Variants in DSCAM observed in about 807,000 individuals in gnomAD.
The protein encoded by DSCAM is DS cell adhesion molecule.
Under a neutral mutation model 217.7 loss-of-function variants are expected in DSCAM, and 47 were observed. The observed-to-expected ratio is 0.22, with a 90% CI of 0.17 to 0.28. The LOEUF (loss-of-function observed/expected upper bound fraction) is 0.28, where lower values mean the gene tolerates loss of function less well. Ranked by LOEUF, DSCAM falls within the 10% of genes least tolerant of loss-of-function variation. The probability of loss-of-function intolerance (pLI) is 1.00; values close to 1 mark genes in which losing one functional copy is unlikely to be tolerated. For missense variants in DSCAM, 2,080 were observed against 2,618.3 expected (o/e 0.79, Z 4.49); for synonymous variants, 1,056 against 1,015.3 (o/e 1.04, Z -0.76).
chr21:40,320,069 G>GA (rs1334558841), intron 8 of DSCAM, among the ~76,000 whole-genome samples: 3 of 152,166 alleles, frequency 2.0e-5, no homozygotes, highest in Non-Finnish European at 4.4e-5. Flanking sequence ...AAAGCATCAG[G>GA]AAAAATAGCT....
At chr21:40,372,339 G>A (rs945266795) in intron 3 of DSCAM, among the ~76,000 whole-genome samples, 8 of 152,178 alleles carry the variant, frequency 5.3e-5, no homozygotes, top group Non-Finnish European at 8.8e-5. Flanking sequence ...AGCAAAAAGT[G>A]CAAACACACA....
chr21:40,563,473 ATT>A (rs2076736367), intron 3 of DSCAM, among the ~76,000 whole-genome samples: 1 of 147,410 alleles, frequency 6.8e-6, no homozygotes, highest in Admixed American at 6.8e-5. Flanking sequence ...ATATATATAT[ATT>A]TGTTTATATA....
At chr21:40,621,982 AAAG>A (rs938483639) in intron 3 of DSCAM, among the ~76,000 whole-genome samples, 8 of 151,960 alleles carry the variant, frequency 5.3e-5, no homozygotes, top group South Asian at 4.2e-4. Context: ...GGAGGGGAAA[AAAG>A]AGAGAGAGAG....
chr21:40,286,363 C>T (rs12626570), intron 10 of DSCAM, among the ~76,000 whole-genome samples: 51,486 of 151,874 alleles, frequency 0.34, 9,059 homozygotes, highest in Admixed American at 0.4. Flanking sequence ...AAGAATGAGA[C>T]GAAATGCCTT....
At chr21:40,667,448 C>T (rs905329184) in intron 3 of DSCAM, among the ~76,000 whole-genome samples, 1 of 152,186 alleles carries the variant, frequency 6.6e-6, no homozygotes, top group Non-Finnish European at 1.5e-5. Context: ...TGTGGAATGT[C>T]TGTTGAAAAT....
intron 32 of DSCAM, 37 bp from the exon 33 acceptor site, chr21:40,013,423 A>C: frequency 6.9e-7 from 1 of 1,448,568 alleles, no homozygotes; most frequent in Non-Finnish European, 9.2e-7. Context: ...TGGTGTCTTC[A>C]TTTGGTAAAC....
chr21:40,389,211 G>A (rs1326678323), intron 3 of DSCAM, among the ~76,000 whole-genome samples: 1 of 152,098 alleles, frequency 6.6e-6, no homozygotes, highest in Non-Finnish European at 1.5e-5. Flanking sequence ...AACTTCACTT[G>A]TCATTTGAGC....
chr21:40,363,656 A>T (rs1449605784), intron 4 of DSCAM, among the ~76,000 whole-genome samples: 1 of 152,188 alleles, frequency 6.6e-6, no homozygotes, highest in Non-Finnish European at 1.5e-5. Flanking sequence ...AAGCAATGCC[A>T]ACAAAAGCCA....
intron 32 of DSCAM, among the ~76,000 whole-genome samples, chr21:40,041,605 C>T (rs2088751023): frequency 6.6e-6 from 1 of 152,180 alleles, no homozygotes; most frequent in East Asian, 1.9e-4. Flanking sequence ...ACCCTGTTCT[C>T]TAGCCTCTGC....
At chr21:40,845,196 G>A (rs1022358351) in intron 1 of DSCAM, among the ~76,000 whole-genome samples, 1 of 152,194 alleles carries the variant, frequency 6.6e-6, no homozygotes, top group African/African-American at 2.4e-5. Flanking sequence ...TTTCCTGCTA[G>A]GAAATCTCAA....
intron 20 of DSCAM, among the ~76,000 whole-genome samples, chr21:40,116,109 TAC>T (rs1365444241): frequency 6.6e-6 from 1 of 152,022 alleles, no homozygotes; most frequent in Non-Finnish European, 1.5e-5. Flanking sequence ...TATGAGAACA[TAC>T]ACACACATAG....
chr21:40,733,367 G>A (rs903681312), intron 1 of DSCAM, among the ~76,000 whole-genome samples: 4 of 152,202 alleles, frequency 2.6e-5, no homozygotes, highest in African/African-American at 9.6e-5. Context: ...CCTCACATTG[G>A]AGAAGCGGAA....
intron 5 of DSCAM, among the ~76,000 whole-genome samples, chr21:40,350,398 G>T (rs1446146944): frequency 6.6e-6 from 1 of 152,014 alleles, no homozygotes; most frequent in Non-Finnish European, 1.5e-5. Context: ...ATCTGACTAA[G>T]GTCTAATATC....
chr21:40,426,809 C>G (rs1407411172), intron 3 of DSCAM, among the ~76,000 whole-genome samples: 2 of 152,052 alleles, frequency 1.3e-5, no homozygotes, highest in East Asian at 3.9e-4. Context: ...GGGGTTGGAG[C>G]AGCACACACA....
chr21:40,362,416 G>C lies in DSCAM; in HGVS notation c.655+6683C>G, dbSNP rs977195375. On this transcript the variant is annotated intron_variant, in intron 4 of 32. Transcript: ENST00000400454. Reference sequence around the variant, plus strand: ...GGAATTTATTTCAGTGGGTTGGTTAGATAAGTGTTCAACCTCTCTCTCTTT... The same window carrying C: ...GGAATTTATTTCAGTGGGTTGGTTACATAAGTGTTCAACCTCTCTCTCTTT... Among the ~76,000 whole-genome samples the C allele has an allele frequency of 2.0e-5, 3 of 152,184 alleles. No homozygotes were observed. The South Asian group carries it at 6.2e-4, about 32-fold the overall frequency.
At chr21:40,486,104 A>G (rs55797466) in intron 3 of DSCAM, among the ~76,000 whole-genome samples, 17,308 of 152,238 alleles carry the variant, frequency 0.11, 1,046 homozygotes, top group Middle Eastern at 0.18. Flanking sequence ...CCTGATTCCT[A>G]GAGGTCAGCC....
At chr21:40,039,644 C>CATG (rs1357154141) in intron 32 of DSCAM, among the ~76,000 whole-genome samples, 1 of 152,084 alleles carries the variant, frequency 6.6e-6, no homozygotes, top group African/African-American at 2.4e-5. Context: ...ATAATTCTTG[C>CATG]ATGATAACTA....
At chr21:40,442,934 A>G (rs892309858) in intron 3 of DSCAM, among the ~76,000 whole-genome samples, 1 of 152,218 alleles carries the variant, frequency 6.6e-6, no homozygotes, top group Non-Finnish European at 1.5e-5. Context: ...ATGTGTATGC[A>G]TGTGTGGATG....
At chr21:40,454,962 G>A (rs1378551649) in intron 3 of DSCAM, among the ~76,000 whole-genome samples, 4 of 152,202 alleles carry the variant, frequency 2.6e-5, no homozygotes, top group Admixed American at 2.6e-4. Flanking sequence ...AGGCTGGAGA[G>A]AAGTGAAGTG....
Sources: gnomAD v4.1 joint callset for allele counts (sites outside exome capture counted in the v4.1 genomes callset) on GRCh38, gnomAD v4.1.1 for gene constraint, MANE v1.5 for transcripts, NCBI Gene and HGNC (gene_info 2026-07-23, HGNC 2026-07-21) for gene names.